RANBP9: variants seen among roughly 807,000 people sequenced by gnomAD.
The protein encoded by RANBP9 is ran-binding protein 9.
In RANBP9, 15 loss-of-function variants were observed where a neutral mutation model predicts 84.3. The observed-to-expected ratio is 0.18, with a 90% CI of 0.12 to 0.27. The LOEUF (loss-of-function observed/expected upper bound fraction) is 0.27. Among genes scored for constraint, RANBP9 ranks in the 10% least tolerant of loss-of-function variants. RANBP9 has a pLI of 1.00. For missense variants in RANBP9, 809 were observed against 912.8 expected (o/e 0.89, Z 1.46); for synonymous variants, 392 against 349.6 (o/e 1.12, Z -1.35).
At chr6:13,652,599 T>A in intron 5 of RANBP9, 60 bp downstream of exon 5, 1 of 1,418,354 alleles carries the variant, frequency 7.1e-7, no homozygotes. Flanking sequence ...ATGCCCAGTA[T>A]CAGTTTCTTT....
At chr6:13,697,061 T>C (rs1333528375) in intron 1 of RANBP9, among the ~76,000 whole-genome samples, 165 bp from the exon 2 acceptor site, 1 of 152,238 alleles carries the variant, frequency 6.6e-6, no homozygotes, top group Non-Finnish European at 1.5e-5. Context: ...GAACCCAATA[T>C]GCAAAATAGC....
chr6:13,703,354 C>T (rs1020594052), intron 1 of RANBP9, among the ~76,000 whole-genome samples: 9 of 152,180 alleles, frequency 5.9e-5, no homozygotes, highest in Non-Finnish European at 1.3e-4. Flanking sequence ...CTACCACCTA[C>T]AAGTGACTCC....
chr6:13,682,447 T>C (rs142082335), intron 2 of RANBP9, among the ~76,000 whole-genome samples: 67 of 151,932 alleles, frequency 4.4e-4, no homozygotes, highest in African/African-American at 1.6e-3. Flanking sequence ...TCAATGTTCT[T>C]AATACATAAT....
intron 2 of RANBP9, among the ~76,000 whole-genome samples, chr6:13,686,475 G>C (rs1766193203): frequency 6.6e-6 from 1 of 151,748 alleles, no homozygotes; most frequent in Non-Finnish European, 1.5e-5. Flanking sequence ...GGTAGAGACA[G>C]GGTTTTACCA....
At chr6:13,624,708 G>C (rs1167637938) in intron 13 of RANBP9, among the ~76,000 whole-genome samples, 1 of 152,148 alleles carries the variant, frequency 6.6e-6, no homozygotes, top group Non-Finnish European at 1.5e-5. Flanking sequence ...GCAACCAAAC[G>C]AACATCGAAT....
intron 13 of RANBP9, among the ~76,000 whole-genome samples, chr6:13,623,663 T>C (rs1210965001): frequency 6.6e-6 from 1 of 152,172 alleles, no homozygotes; most frequent in East Asian, 1.9e-4. Context: ...TTAACTTTTT[T>C]GGATGTATGA....
intron 2 of RANBP9, among the ~76,000 whole-genome samples, chr6:13,673,636 T>C (rs879576212): frequency 3.9e-5 from 6 of 152,154 alleles, no homozygotes; most frequent in Admixed American, 3.9e-4. Flanking sequence ...TTATATTCTG[T>C]TATAAGGTAC....
chr6:13,711,623 G>A lies in RANBP9; in HGVS notation c.-118C>T, dbSNP rs1222716416. 45 of 1,007,206 alleles carry A rather than the reference G, an allele frequency of 4.5e-5. No individual in the cohort carries two copies. Among genetic ancestry groups the A allele is most frequent in the Non-Finnish European group, 5.5e-5 (44 of 799,132 alleles). 62.4% of individuals were successfully genotyped at this position (1,007,206 alleles called of 1,614,324 possible). A position where few individuals can be genotyped will look rare whatever the true frequency, so the allele number is the denominator to read the frequency against. On this transcript the variant is annotated 5_prime_UTR_variant, in exon 1 of 14. Transcript: ENST00000011619. The stretch of plus-strand genomic sequence containing the variant: ...GGCGCCCAGTCCGCCCGCCCCGGAA[G>A]CAGGCGGCGGGCCGCGCGCCCAGGG...
In RANBP9 at chr6:13,638,237, T is replaced by C. The variant is rs149249576; in HGVS notation, c.1526-282A>G. On this transcript the variant is annotated intron_variant, in intron 9 of 13. Coordinates refer to ENST00000011619, the MANE Select transcript of RANBP9 (RefSeq NM_005493.3). ...ATTATGATCATCCCCATTTTACATA[T>C]GAATACACTGAGGCTCAGAATTTAT... is the stretch of plus-strand genomic sequence containing the variant. Among the ~76,000 whole-genome samples the C allele has an allele frequency of 5.3e-4, 81 of 152,286 alleles. 1 individual carries two copies. Among genetic ancestry groups the C allele is most frequent in the African/African-American group, 1.9e-3 (80 of 41,558 alleles).
chr6:13,653,770 A>G (rs929662433), intron 4 of RANBP9, among the ~76,000 whole-genome samples: 2 of 152,144 alleles, frequency 1.3e-5, no homozygotes, highest in African/African-American at 2.4e-5. Flanking sequence ...TAGTTAGTAA[A>G]GCCCTGTTTT....
At chr6:13,689,494 G>C (rs151240226) in intron 2 of RANBP9, among the ~76,000 whole-genome samples, 1 of 151,958 alleles carries the variant, frequency 6.6e-6, no homozygotes, top group South Asian at 2.1e-4. Context: ...GGCTAGTCTC[G>C]AACTCTTTAT....
At chr6:13,693,929 G>C (rs919234245) in intron 2 of RANBP9, among the ~76,000 whole-genome samples, 34 of 152,006 alleles carry the variant, frequency 2.2e-4, no homozygotes, top group Admixed American at 1.8e-3. Context: ...TGTAATCCCA[G>C]CTACTTGGGA....
intron 2 of RANBP9, among the ~76,000 whole-genome samples, chr6:13,688,889 A>T (rs1195165508): frequency 1.3e-5 from 2 of 150,136 alleles, no homozygotes; most frequent in Non-Finnish European, 3.0e-5. Flanking sequence ...GCAGTGACTC[A>T]TGCCTGTAAT....
At position 13,711,218 on chromosome 6, in the gene RANBP9, A is replaced by C. The variant is rs1758271473; in HGVS notation, c.288T>G (p.Ala96=). The C allele has an allele frequency of 9.9e-7, 1 of 1,007,006 alleles. No homozygotes were observed. Among genetic ancestry groups the C allele is most frequent in the Admixed American group, 5.8e-5 (1 of 17,184 alleles). 62.4% of individuals were successfully genotyped at this position (1,007,006 alleles called of 1,614,324 possible). Residue 96 remains alanine, a synonymous_variant, in exon 1 of 14, where the codon GCT becomes GCG. Coordinates refer to ENST00000011619, the MANE Select transcript of RANBP9 (RefSeq NM_005493.3). Reference sequence around the variant, plus strand: ...GAGCGGGCGGCCCGCTGGCGGGGGCAGCCGCTGAGGCAGGGGGAGGCGGGG... The same window carrying C: ...GAGCGGGCGGCCCGCTGGCGGGGGCCGCCGCTGAGGCAGGGGGAGGCGGGG... The part of the protein sequence containing the change: ...PPPPPPPASA[A]APASGPPAPP...
intron 2 of RANBP9, among the ~76,000 whole-genome samples, chr6:13,669,095 T>C (rs1426250858): frequency 6.6e-6 from 1 of 151,896 alleles, no homozygotes; most frequent in Non-Finnish European, 1.5e-5. Context: ...TAGAAATAAT[T>C]TGAAAATGAA....
chr6:13,705,875 A>AAAAAAAAAAAAAAAAAAAAAAAAG (rs1554107633), intron 1 of RANBP9, among the ~76,000 whole-genome samples: 1 of 150,070 alleles, frequency 6.7e-6, no homozygotes, highest in African/African-American at 2.5e-5. Context: ...TCTCAAAAAA[A>AAAAAAAAAAAAAAAAAAAAAAAAG]AAAAAAAAAA....
chr6:13,648,860 G>A (rs1272488760), intron 5 of RANBP9, among the ~76,000 whole-genome samples: 1 of 152,106 alleles, frequency 6.6e-6, no homozygotes, highest in African/African-American at 2.4e-5. Context: ...TTTTTAGTAT[G>A]TTCACAGAAC....
At chr6:13,636,658 T>C (rs954406623) in intron 10 of RANBP9, among the ~76,000 whole-genome samples, 2 of 152,244 alleles carry the variant, frequency 1.3e-5, no homozygotes, top group African/African-American at 4.8e-5. Context: ...TTTCCATCTA[T>C]TTTTAAACTA....
In RANBP9 at chr6:13,658,885, T is replaced by C. The variant is rs1765472376; in HGVS notation, c.684-53A>G. ...AAAAGGACATTATTACAGTCATATA[T>C]GTATAAATTACCAAACAGTCTCAAA... On this transcript the variant is annotated intron_variant, in intron 2 of 13. Transcript: ENST00000011619. 4 of 1,475,616 alleles carry C rather than the reference T, an allele frequency of 2.7e-6. No homozygotes were observed. The South Asian group carries it at 3.4e-5, about 13-fold the overall frequency. 91.4% of individuals were successfully genotyped at this position (1,475,616 alleles called of 1,614,324 possible). A position where few individuals can be genotyped will look rare whatever the true frequency, so the allele number is the denominator to read the frequency against.
Sources: allele counts gnomAD v4.1 joint callset (sites outside exome capture counted in the v4.1 genomes callset), GRCh38; gene constraint gnomAD v4.1.1; transcripts MANE v1.5; gene names NCBI Gene and HGNC (gene_info 2026-07-23, HGNC 2026-07-21).